The following SLC23A2 variants were observed in gnomAD, a reference collection of about 807,000 sequenced individuals.
SLC23A2 encodes the protein solute carrier family 23 member 2.
In SLC23A2, 36 loss-of-function variants were observed where a neutral mutation model predicts 73.3. The observed-to-expected ratio is 0.49, with a 90% CI of 0.38 to 0.65. The LOEUF (loss-of-function observed/expected upper bound fraction) is 0.65. Ranked by LOEUF, SLC23A2 falls within the 30% of genes least tolerant of loss-of-function variation. SLC23A2 has a pLI of 0.00. For missense variants in SLC23A2, 507 were observed against 841.6 expected, an observed-to-expected ratio of 0.60 and a Z score of 4.92; for synonymous variants, 343 against 327.3, an observed-to-expected ratio of 1.05 and a Z score of -0.52.
chr20:4,998,924 C>T lies in SLC23A2; in HGVS notation c.-282+2482G>A, dbSNP rs760442055. 8.6e-5 allele frequency among the ~76,000 whole-genome samples: 13 copies of T among 152,002 alleles called. No homozygotes were observed. Among genetic ancestry groups the T allele is most frequent in the Non-Finnish European group, 1.6e-4 (11 of 68,018 alleles). On this transcript the variant is annotated intron_variant, in intron 1 of 16. Transcript: ENST00000338244. The surrounding 1 kb of genome is among the most constrained non-coding windows in gnomAD (Gnocchi z 4.1). ...GGTTCAAGCGATTCTCCTGCCTCAG[C>T]CTCCTGAGTAGCCGGAAATACAGGC...
intron 7 of SLC23A2, 64 bp downstream of exon 7, chr20:4,885,757 C>T: frequency 2.6e-6 from 3 of 1,174,470 alleles, no homozygotes; most frequent in Non-Finnish European, 3.8e-6. Flanking sequence ...GCAGCACGTC[C>T]AGGCCTCCCT....
At chr20:4,870,595 AAAG>A (rs1299102791) in intron 11 of SLC23A2, among the ~76,000 whole-genome samples, 1 of 152,036 alleles carries the variant, frequency 6.6e-6, no homozygotes, top group Admixed American at 6.6e-5. Context: ...AAAAGAAGAA[AAAG>A]AAGAAGACAT....
chr20:4,959,434 T>C lies in SLC23A2; in HGVS notation c.-155+11359A>G, dbSNP rs954191468. Among the ~76,000 whole-genome samples the C allele has an allele frequency of 5.3e-5, 8 of 152,344 alleles. No individual in the cohort carries two copies. The East Asian group carries it at 9.6e-4, about 18-fold the overall frequency. On this transcript the variant is annotated intron_variant, in intron 2 of 16. Transcript: ENST00000338244. Reference sequence around the variant, plus strand: ...AATACTACTCCTGGGCATCTATGGCTGAATGAAACCTTACGTTCAGACAAG... The same window carrying C: ...AATACTACTCCTGGGCATCTATGGCCGAATGAAACCTTACGTTCAGACAAG...
At chr20:4,925,662 C>T (rs1307244978) in intron 3 of SLC23A2, among the ~76,000 whole-genome samples, 5 of 152,142 alleles carry the variant, frequency 3.3e-5, no homozygotes, top group East Asian at 1.9e-4. Flanking sequence ...TACCCCAAAA[C>T]GAGCAAATTT....
chr20:4,941,285 T>C (rs1316956649), intron 2 of SLC23A2, among the ~76,000 whole-genome samples: 1 of 152,134 alleles, frequency 6.6e-6, no homozygotes, highest in African/African-American at 2.4e-5. Context: ...CTTAGTACTC[T>C]GGGAGGCTAA....
Position 4,854,722 on chromosome 20 carries a change from G to C in SLC23A2, c.*2250C>G, listed in dbSNP as rs559691192. 6.6e-6 allele frequency: 1 copy of C among 152,338 alleles called. No homozygotes were observed. The highest frequency in any genetic ancestry group is 1.9e-4 in the East Asian group (1 of 5,178). The allele number at this position is 152,338 out of a possible 1,614,324, so 9.4% of individuals were successfully genotyped here. Reference sequence around the variant, plus strand: ...CGGCCCAAGGAGGGGCTTCAGAAGGGAGTGGGTTTCTGGATGACTAGAGCA... The same window carrying C: ...CGGCCCAAGGAGGGGCTTCAGAAGGCAGTGGGTTTCTGGATGACTAGAGCA... On this transcript the variant is annotated 3_prime_UTR_variant, in exon 17 of 17. Transcript: ENST00000338244.
At chr20:5,006,634 T>C (rs1450186515) in intron 1 of SLC23A2, among the ~76,000 whole-genome samples, 3 of 151,076 alleles carry the variant, frequency 2.0e-5, no homozygotes, top group African/African-American at 2.4e-5. Context: ...GGTACAATCT[T>C]GGCTCAAGCA....
intron 9 of SLC23A2, among the ~76,000 whole-genome samples, chr20:4,879,408 C>CAAAAAAAAAAAAAAAAAAAAA (rs111565515): frequency 4.7e-5 from 2 of 43,006 alleles, no homozygotes; most frequent in African/African-American, 9.0e-5. Context: ...AACTCTGTCT[C>CAAAAAAAAAAAAAAAAAAAAA]AAAAAAAAAA....
chr20:4,941,584 C>A (rs1309918238), intron 2 of SLC23A2, among the ~76,000 whole-genome samples: 1 of 151,768 alleles, frequency 6.6e-6, no homozygotes, highest in Non-Finnish European at 1.5e-5. Flanking sequence ...TGCCTGTAAT[C>A]CCAGCCACTT....
intron 13 of SLC23A2, among the ~76,000 whole-genome samples, chr20:4,866,098 G>C (rs1276019262): frequency 1.3e-5 from 2 of 152,138 alleles, no homozygotes; most frequent in Non-Finnish European, 2.9e-5. Flanking sequence ...CTCCCAAACT[G>C]CTGGGATTAC....
intron 3 of SLC23A2, among the ~76,000 whole-genome samples, chr20:4,919,746 T>C (rs1843046597): frequency 1.3e-5 from 2 of 152,106 alleles, no homozygotes; most frequent in South Asian, 4.2e-4. Context: ...ACGCAGCACA[T>C]TACAGCACTC....
At chr20:4,903,960 G>A (rs1393151455) in intron 4 of SLC23A2, among the ~76,000 whole-genome samples, 2 of 152,148 alleles carry the variant, frequency 1.3e-5, no homozygotes, top group Non-Finnish European at 2.9e-5. Context: ...TGCCTGGTAC[G>A]TGGGGGATAA....
At chr20:4,919,495 G>A (rs1932433959) in intron 3 of SLC23A2, among the ~76,000 whole-genome samples, 1 of 152,172 alleles carries the variant, frequency 6.6e-6, no homozygotes, top group Non-Finnish European at 1.5e-5. Context: ...CCCCATGCCG[G>A]CCCACAGCAG....
rs1354391527 is a variant in SLC23A2 at position 4,902,453 on chromosome 20, G to A, written c.313C>T (p.Leu105=). ...AGGAACCATCTTACCTGTAGCCCCA[G>A]AAATATACACAGGTACCAGGGAGGA... is the stretch of plus-strand genomic sequence containing the variant. The part of the protein sequence containing the change: ...DVPPWYLCIF[L]GLQHYLTCFS... The change falls in exon 5 of 17, where the codon CTG becomes TTG. Residue 105 remains leucine, a synonymous_variant. Transcript: ENST00000338244. This position sits in a 1 kb window ranked among gnomAD's most constrained non-coding sequence, Gnocchi z 4.0. 1.9e-6 allele frequency: 3 copies of A among 1,588,578 alleles called. No individual in the cohort carries two copies. Among genetic ancestry groups the A allele is most frequent in the Non-Finnish European group, 2.6e-6 (3 of 1,159,736 alleles).
chr20:4,961,063 T>C (rs2122181299), intron 2 of SLC23A2, among the ~76,000 whole-genome samples: 1 of 151,520 alleles, frequency 6.6e-6, no homozygotes. Flanking sequence ...GCCTGGCCTG[T>C]CCTCATGCAC....
At chr20:5,004,868 G>A (rs1219817186), upstream of SLC23A2, among the ~76,000 whole-genome samples, 1 of 151,850 alleles carries the variant, frequency 6.6e-6, no homozygotes, top group Admixed American at 6.6e-5. Flanking sequence ...GCATGGTGGC[G>A]CATGCCTGTA....
chr20:4,998,084 A>G lies in SLC23A2; in HGVS notation c.-282+3322T>C, dbSNP rs944315643. Among the ~76,000 whole-genome samples the G allele has an allele frequency of 6.6e-6, 1 of 152,176 alleles. No individual in the cohort carries two copies. The highest frequency in any genetic ancestry group is 1.5e-5 in the Non-Finnish European group (1 of 68,028). The stretch of plus-strand genomic sequence containing the variant: ...ATACGAAACAAATTTCCGTTGTTTA[A>G]GCCACCCACACTGTGCTATTTTTGT... On this transcript the variant is annotated intron_variant, in intron 1 of 16. Transcript: ENST00000338244. This position sits in a 1 kb window ranked among gnomAD's most constrained non-coding sequence, Gnocchi z 4.1.
chr20:4,881,155 C>G (rs1358229298), intron 9 of SLC23A2, among the ~76,000 whole-genome samples: 4 of 152,212 alleles, frequency 2.6e-5, no homozygotes, highest in Non-Finnish European at 5.9e-5. Flanking sequence ...AGGAGGAAAG[C>G]AGAAGAAACT....
At chr20:4,995,132 T>C (rs913885461) in intron 1 of SLC23A2, among the ~76,000 whole-genome samples, 5 of 152,044 alleles carry the variant, frequency 3.3e-5, no homozygotes, top group African/African-American at 9.7e-5. Context: ...GGTATGTATA[T>C]ATTCACTTGA....
Sources: allele counts gnomAD v4.1 joint callset (sites outside exome capture counted in the v4.1 genomes callset), GRCh38; gene constraint gnomAD v4.1.1; non-coding constraint Gnocchi (gnomAD v3.1); transcripts MANE v1.5; gene names NCBI Gene and HGNC (gene_info 2026-07-23, HGNC 2026-07-21).